The following DPP6 variants were observed in gnomAD, a reference collection of about 807,000 sequenced individuals.
The protein encoded by DPP6 is dipeptidyl peptidase like 6.
DPP6 carries 69 observed loss-of-function variants against 122.6 expected under a neutral mutation model. The ratio of observed to expected loss-of-function variants is 0.56; its 90% confidence interval spans 0.46 to 0.69. DPP6 has a LOEUF of 0.69. Ranked by LOEUF, DPP6 falls within the 30% of genes least tolerant of loss-of-function variation. The pLI is 0.00. For synonymous variants in DPP6, 418 were observed against 433.1 expected, an observed-to-expected ratio of 0.97 and a Z score of 0.43; for missense variants, 928 against 1,116.9, an observed-to-expected ratio of 0.83 and a Z score of 2.41.
chr7:154,892,599 G>A lies in DPP6; in HGVS notation c.*119G>A. The A allele has an allele frequency of 1.3e-6, 2 of 1,543,378 alleles. No individual in the cohort carries two copies. Among genetic ancestry groups the A allele is most frequent in the Non-Finnish European group, 1.7e-6 (2 of 1,146,546 alleles). The stretch of plus-strand genomic sequence containing the variant: ...GCGGGGCGGGGCCGGGTGTTCCATA[G>A]CATGTGTGTCTCGGATGCGGAAGGC... On this transcript the variant is annotated 3_prime_UTR_variant, in exon 26 of 26. Coordinates refer to ENST00000377770, the MANE Select transcript of DPP6 (RefSeq NM_130797.4).
intron 1 of DPP6, among the ~76,000 whole-genome samples, chr7:154,362,250 G>C (rs904759102): frequency 6.6e-6 from 1 of 152,194 alleles, no homozygotes; most frequent in African/African-American, 2.4e-5. Context: ...AGCTTCTGTG[G>C]CTTCGCTCAG....
chr7:154,686,615 C>T (rs899053295), intron 7 of DPP6, among the ~76,000 whole-genome samples: 4 of 152,170 alleles, frequency 2.6e-5, no homozygotes, highest in Non-Finnish European at 5.9e-5. Context: ...TGAACCCCAA[C>T]TGGAATAAAA....
chr7:153,799,780 T>C, the DPP6 span, among the ~76,000 whole-genome samples: 4 of 152,224 alleles, frequency 2.6e-5, no homozygotes, highest in Non-Finnish European at 5.9e-5. Context: ...CATTCTATTA[T>C]CCCAATATTT....
the DPP6 span, among the ~76,000 whole-genome samples, chr7:153,764,639 T>C: frequency 1.5e-4 from 23 of 151,782 alleles, no homozygotes; most frequent in African/African-American, 4.8e-4. Flanking sequence ...ACATAGAATG[T>C]TGGAAGATGG....
At chr7:154,311,004 A>G (rs528804303) in intron 1 of DPP6, among the ~76,000 whole-genome samples, 8 of 152,306 alleles carry the variant, frequency 5.3e-5, no homozygotes, top group South Asian at 2.1e-4. Context: ...GAGGAAGAGT[A>G]TATAATTCGG....
At position 154,694,705 on chromosome 7, in the gene DPP6, T is replaced by C. The variant is rs555243831; in HGVS notation, c.762+25264T>C. Among the ~76,000 whole-genome samples the C allele has an allele frequency of 1.6e-4, 25 of 152,310 alleles. No individual in the cohort carries two copies. In the South Asian group the frequency reaches 5.0e-3, roughly 30 times the overall value. ...GCCTTTCAATCCTTGATGTAAGTGA[T>C]GAAGATGAGCTTCTGATCTCTCAAG... On this transcript the variant is annotated intron_variant, in intron 7 of 25. Transcript: ENST00000377770.
intron 1 of DPP6, among the ~76,000 whole-genome samples, chr7:154,323,258 G>A (rs1304273084): frequency 6.6e-6 from 1 of 152,002 alleles, no homozygotes; most frequent in Non-Finnish European, 1.5e-5. Flanking sequence ...GTCTCTTTTG[G>A]AGTTTATGTA....
At chr7:153,941,920 A>G (rs1801714799) in intron 1 of DPP6, among the ~76,000 whole-genome samples, 1 of 152,118 alleles carries the variant, frequency 6.6e-6, no homozygotes, top group Admixed American at 6.5e-5. Flanking sequence ...TTCGATTTCC[A>G]TAAGCTCTTG....
At chr7:154,714,651 T>G (rs1329212023) in intron 7 of DPP6, among the ~76,000 whole-genome samples, 2 of 152,068 alleles carry the variant, frequency 1.3e-5, no homozygotes, top group African/African-American at 4.8e-5. Flanking sequence ...CTCCACCTGG[T>G]CCCTCCCAAG....
At position 154,130,279 on chromosome 7, in the gene DPP6, G is replaced by A. The variant is rs141824935; in HGVS notation, c.243+77216G>A. 4.3e-3 allele frequency among the ~76,000 whole-genome samples: 650 copies of A among 152,072 alleles called. 8 individuals carry two copies. The highest frequency in any genetic ancestry group is 0.015 in the African/African-American group (608 of 41,484). ...GCTTCCTCAAGGTCGTTCCTTAGTC[G>A]TTGCCACTGAAAAATGGGTCTCGAT... On this transcript the variant is annotated intron_variant, in intron 1 of 25. Coordinates refer to ENST00000377770, the MANE Select transcript of DPP6 (RefSeq NM_130797.4).
chr7:153,941,333 C>T (rs1474152932), intron 1 of DPP6, among the ~76,000 whole-genome samples: 1 of 152,200 alleles, frequency 6.6e-6, no homozygotes, highest in Non-Finnish European at 1.5e-5. Flanking sequence ...GGCATTTTCT[C>T]TAAAGCAAAC....
intron 6 of DPP6, among the ~76,000 whole-genome samples, chr7:154,652,645 T>C (rs1836952133): frequency 6.6e-6 from 1 of 152,110 alleles, no homozygotes; most frequent in Non-Finnish European, 1.5e-5. Flanking sequence ...ATGTGCACCA[T>C]GTCCCTGCTG....
At chr7:154,753,449 C>T (rs1454082977) in intron 8 of DPP6, among the ~76,000 whole-genome samples, 1 of 152,092 alleles carries the variant, frequency 6.6e-6, no homozygotes, top group Non-Finnish European at 1.5e-5. Flanking sequence ...CAGGAGACAG[C>T]GACCACCTGT....
intron 2 of DPP6, among the ~76,000 whole-genome samples, chr7:154,471,230 G>A (rs1822247213): frequency 2.0e-5 from 3 of 152,164 alleles, no homozygotes. Flanking sequence ...CCGCCTGGGT[G>A]ACAGAGCAAG....
intron 1 of DPP6, among the ~76,000 whole-genome samples, chr7:154,119,377 C>A (rs1182398617): frequency 2.6e-5 from 4 of 152,070 alleles, no homozygotes; most frequent in African/African-American, 9.7e-5. Context: ...GCCGGGTTCC[C>A]ATCCAAAGCA....
chr7:154,515,998 C>T (rs1388593447), intron 3 of DPP6, among the ~76,000 whole-genome samples: 1 of 152,164 alleles, frequency 6.6e-6, no homozygotes, highest in African/African-American at 2.4e-5. Flanking sequence ...TTGCCAAATT[C>T]GATCCATGGT....
At chr7:153,871,794 C>A in the DPP6 span, among the ~76,000 whole-genome samples, 1 of 152,154 alleles carries the variant, frequency 6.6e-6, no homozygotes. Context: ...ATCTTGGCTC[C>A]ACCCCAAAAA....
At chr7:154,405,880 A>G (rs1277114125) in intron 1 of DPP6, among the ~76,000 whole-genome samples, 1 of 152,114 alleles carries the variant, frequency 6.6e-6, no homozygotes, top group Non-Finnish European at 1.5e-5. Flanking sequence ...TTGTGAATGG[A>G]CTCATATTTA....
intron 16 of DPP6, among the ~76,000 whole-genome samples, chr7:154,841,955 C>A (rs553965451): frequency 1.9e-4 from 29 of 152,238 alleles, no homozygotes; most frequent in Middle Eastern, 3.4e-3. Context: ...CAAAACCTGT[C>A]GGCAGTGTTG....
Sources: gnomAD v4.1 joint callset for allele counts (sites outside exome capture counted in the v4.1 genomes callset) on GRCh38, gnomAD v4.1.1 for gene constraint, MANE v1.5 for transcripts, NCBI Gene and HGNC (gene_info 2026-07-23, HGNC 2026-07-21) for gene names.